DNM3: variants seen among roughly 807,000 people sequenced by gnomAD.
DNM3 encodes the protein dynamin-3.
DNM3 carries 47 observed loss-of-function variants against 101.6 expected under a neutral mutation model. The observed-to-expected ratio is 0.46, with a 90% CI of 0.37 to 0.59. The LOEUF (loss-of-function observed/expected upper bound fraction) is 0.59. Among genes scored for constraint, DNM3 ranks in the 20% least tolerant of loss-of-function variants. The pLI is 0.00. For synonymous variants in DNM3, 385 were observed against 387.9 expected (o/e 0.99, Z 0.09); for missense variants, 849 against 1,085.7 (o/e 0.78, Z 3.06).
intron 1 of DNM3, among the ~76,000 whole-genome samples, chr1:171,876,510 T>C (rs1453420425): frequency 3.3e-5 from 5 of 152,178 alleles, no homozygotes; most frequent in Admixed American, 3.3e-4. Flanking sequence ...TTCTGACTCA[T>C]GCAGCCCCCT....
chr1:172,068,261 G>A (rs1341070531), intron 10 of DNM3, among the ~76,000 whole-genome samples: 1 of 152,088 alleles, frequency 6.6e-6, no homozygotes, highest in Admixed American at 6.5e-5. Context: ...CCAGGAGGCA[G>A]AGGTTGCAGT....
intron 14 of DNM3, among the ~76,000 whole-genome samples, chr1:172,212,134 A>G (rs769415203): frequency 1.3e-5 from 2 of 152,186 alleles, no homozygotes; most frequent in Non-Finnish European, 2.9e-5. Context: ...AAAAAGTCTG[A>G]TAAATGAGAA....
chr1:172,341,151 A>G (rs1454155489), intron 17 of DNM3, among the ~76,000 whole-genome samples: 2 of 152,218 alleles, frequency 1.3e-5, no homozygotes, highest in Non-Finnish European at 2.9e-5. Context: ...CACAAAAAGA[A>G]TAAAATACCT....
chr1:172,023,855 T>C (rs1419242943), intron 4 of DNM3, among the ~76,000 whole-genome samples: 3 of 151,860 alleles, frequency 2.0e-5, no homozygotes, highest in Admixed American at 2.0e-4. Flanking sequence ...GGTTTTTTTT[T>C]TTTTCCTTGT....
At chr1:171,922,238 G>A (rs952503161) in intron 2 of DNM3, among the ~76,000 whole-genome samples, 4 of 151,886 alleles carry the variant, frequency 2.6e-5, no homozygotes, top group South Asian at 2.1e-4. Context: ...GTGTATGTGC[G>A]TATCTATATT....
intron 2 of DNM3, among the ~76,000 whole-genome samples, chr1:171,950,311 C>T (rs7514595): frequency 0.16 from 23,566 of 152,026 alleles, 2,360 homozygotes; most frequent in East Asian, 0.33. Flanking sequence ...AATATGCATT[C>T]GGTAGAAACT....
intron 17 of DNM3, among the ~76,000 whole-genome samples, chr1:172,350,575 C>A (rs553466643): frequency 6.6e-6 from 1 of 152,174 alleles, no homozygotes; most frequent in Admixed American, 6.5e-5. Flanking sequence ...CTTCAAGGAA[C>A]CTAGCAATGC....
At chr1:172,041,742 A>G (rs1434140492) in intron 7 of DNM3, among the ~76,000 whole-genome samples, 2 of 152,182 alleles carry the variant, frequency 1.3e-5, no homozygotes, top group Non-Finnish European at 1.5e-5. Flanking sequence ...TTTAAATACC[A>G]TTTTATGACT....
intron 14 of DNM3, among the ~76,000 whole-genome samples, chr1:172,203,806 AT>A (rs1287330200): frequency 6.6e-6 from 1 of 152,212 alleles, no homozygotes; most frequent in East Asian, 1.9e-4. Context: ...AAAAGGCTAA[AT>A]GTTATAATGT....
At chr1:172,260,406 AG>A (rs1400974763) in intron 15 of DNM3, among the ~76,000 whole-genome samples, 7 of 152,124 alleles carry the variant, frequency 4.6e-5, no homozygotes, top group Non-Finnish European at 8.8e-5. Context: ...TTTATTAAAT[AG>A]GTTTTCTAAT....
intron 2 of DNM3, among the ~76,000 whole-genome samples, chr1:171,940,421 A>G (rs1164625388): frequency 6.6e-6 from 1 of 152,102 alleles, no homozygotes; most frequent in Non-Finnish European, 1.5e-5. Flanking sequence ...ACCATGTTTC[A>G]GTTGTTTTCC....
chr1:172,359,650 G>T (rs2067642091), intron 17 of DNM3, among the ~76,000 whole-genome samples: 1 of 150,860 alleles, frequency 6.6e-6, no homozygotes, highest in African/African-American at 2.4e-5. Context: ...ACCTTAAGTA[G>T]CTCTTGGCAG....
intron 13 of DNM3, among the ~76,000 whole-genome samples, chr1:172,103,552 T>G (rs1241244715): frequency 6.6e-6 from 1 of 152,212 alleles, no homozygotes; most frequent in Non-Finnish European, 1.5e-5. Flanking sequence ...TTCTGCTGTT[T>G]CCAGTTTTTC....
In DNM3 at chr1:172,113,311, C is replaced by T. The variant is rs538164221; in HGVS notation, c.1546-17864C>T. 7.9e-5 allele frequency among the ~76,000 whole-genome samples: 12 copies of T among 152,284 alleles called. No individual in the cohort carries two copies. In the South Asian group the frequency reaches 2.5e-3, roughly 32 times the overall value. Reference sequence around the variant, plus strand: ...GGATTCCCTCATTTAATTTTCACCACAATTCTATAAGGGGATATACTATTA... The same window carrying T: ...GGATTCCCTCATTTAATTTTCACCATAATTCTATAAGGGGATATACTATTA... On this transcript the variant is annotated intron_variant, in intron 13 of 20. Coordinates refer to ENST00000627582, the MANE Select transcript of DNM3 (RefSeq NM_015569.5).
intron 1 of DNM3, among the ~76,000 whole-genome samples, chr1:171,872,283 A>C (rs1042533447): frequency 2.0e-5 from 3 of 152,212 alleles, no homozygotes; most frequent in Non-Finnish European, 4.4e-5. Flanking sequence ...ACCAAATGGT[A>C]TATTTTGAGA....
At chr1:171,994,018 G>C (rs61805847) in intron 4 of DNM3, among the ~76,000 whole-genome samples, 6,368 of 151,456 alleles carry the variant, frequency 0.042, 211 homozygotes, top group Non-Finnish European at 0.069. Flanking sequence ...TTGTTCTTTA[G>C]ATTATTATTT....
At chr1:172,072,868 T>C (rs1489376550) in intron 11 of DNM3, among the ~76,000 whole-genome samples, 1 of 152,038 alleles carries the variant, frequency 6.6e-6, no homozygotes, top group Non-Finnish European at 1.5e-5. Context: ...GCCTGGGCAA[T>C]AGAGTGAGAC....
intron 13 of DNM3, among the ~76,000 whole-genome samples, chr1:172,127,645 G>T (rs544960619): frequency 2.0e-5 from 3 of 151,678 alleles, no homozygotes; most frequent in Admixed American, 2.0e-4. Context: ...CCCTGACCTC[G>T]TGATACACCC....
At chr1:171,880,467 G>T (rs2036169793) in intron 1 of DNM3, among the ~76,000 whole-genome samples, 1 of 152,100 alleles carries the variant, frequency 6.6e-6, no homozygotes, top group Admixed American at 6.6e-5. Context: ...ATTTAATTGG[G>T]ATTATTTTTT....
Sources: allele counts gnomAD v4.1 joint callset (sites outside exome capture counted in the v4.1 genomes callset), GRCh38; gene constraint gnomAD v4.1.1; transcripts MANE v1.5; gene names NCBI Gene and HGNC (gene_info 2026-07-23, HGNC 2026-07-21).